Variants in DDR2 observed in about 807,000 individuals in gnomAD.
The protein encoded by DDR2 is discoidin domain receptor tyrosine kinase 2.
DDR2 carries 27 observed loss-of-function variants against 94.9 expected under a neutral mutation model. The observed-to-expected ratio is 0.28, with a 90% CI of 0.21 to 0.39. The LOEUF (loss-of-function observed/expected upper bound fraction) is 0.39, where lower values mean the gene tolerates loss of function less well. Ranked by LOEUF, DDR2 falls within the 10% of genes least tolerant of loss-of-function variation. The pLI, the probability that DDR2 is intolerant of heterozygous loss-of-function variation, is 1.00. For missense variants in DDR2, 783 were observed against 1,076.0 expected (o/e 0.73, Z 3.81); for synonymous variants, 382 against 377.2 (o/e 1.01, Z -0.15).
At chr1:162,714,774 G>T (rs1661082677) in intron 2 of DDR2, among the ~76,000 whole-genome samples, 1 of 151,964 alleles carries the variant, frequency 6.6e-6, no homozygotes, top group Admixed American at 6.6e-5. Flanking sequence ...AACCTTCTTT[G>T]CCTTTTTTAC....
chr1:162,775,509 A>C, intron 14 of DDR2, 143 bp from the exon 15 acceptor site: 1 of 801,998 alleles, frequency 1.2e-6, no homozygotes, highest in South Asian at 1.5e-5. Flanking sequence ...TCCAGGTGTC[A>C]ATTTCTCTGT....
intron 2 of DDR2, among the ~76,000 whole-genome samples, chr1:162,662,212 T>C (rs1393778920): frequency 1.3e-5 from 2 of 152,240 alleles, no homozygotes; most frequent in African/African-American, 4.8e-5. Flanking sequence ...CATTCATTCA[T>C]TCATTCACTC....
chr1:162,681,092 C>G (rs1218554569), intron 2 of DDR2, among the ~76,000 whole-genome samples: 1 of 152,162 alleles, frequency 6.6e-6, no homozygotes, highest in African/African-American at 2.4e-5. Flanking sequence ...CTCTGCTTCC[C>G]CTTTTGCTGG....
intron 2 of DDR2, among the ~76,000 whole-genome samples, chr1:162,693,452 A>G (rs1210098906): frequency 1.3e-5 from 2 of 152,206 alleles, no homozygotes; most frequent in Non-Finnish European, 2.9e-5. Flanking sequence ...TTATTCATCA[A>G]ACAAAGACAT....
chr1:162,676,912 C>G (rs1659156431), intron 2 of DDR2, among the ~76,000 whole-genome samples: 1 of 152,164 alleles, frequency 6.6e-6, no homozygotes, highest in Non-Finnish European at 1.5e-5. Context: ...CTGTGATGCC[C>G]CATGCTCAGT....
chr1:162,719,764 A>G lies in DDR2; in HGVS notation c.82+619A>G, dbSNP rs1263411540. Among the ~76,000 whole-genome samples the G allele has an allele frequency of 3.9e-5, 6 of 152,170 alleles. 1 individual carries two copies. In the East Asian group the frequency reaches 5.8e-4, roughly 15 times the overall value. The stretch of plus-strand genomic sequence containing the variant: ...TGCTTAACAACCTATCCAAAGCTCA[A>G]TGTCTTTAAACGAGCATTTATTTGG... On this transcript the variant is annotated intron_variant, in intron 3 of 17. Transcript: ENST00000367921.
At chr1:162,664,854 A>G (rs959366031) in intron 2 of DDR2, among the ~76,000 whole-genome samples, 2 of 152,172 alleles carry the variant, frequency 1.3e-5, no homozygotes, top group African/African-American at 2.4e-5. Context: ...AAACCTAGGT[A>G]ATTTCCTTAT....
chr1:162,636,781 G>A (rs960996386), intron 1 of DDR2, among the ~76,000 whole-genome samples: 4 of 151,996 alleles, frequency 2.6e-5, no homozygotes, highest in African/African-American at 9.7e-5. Context: ...TAATCCTTAG[G>A]GCCTTAATAG....
chr1:162,630,972 T>C (rs1050896573), upstream of DDR2, among the ~76,000 whole-genome samples: 1 of 152,166 alleles, frequency 6.6e-6, no homozygotes, highest in African/African-American at 2.4e-5. Context: ...TAGTTCTAGT[T>C]TTTTCTCTAA....
At chr1:162,721,113 GCT>G (rs1454647083) in intron 3 of DDR2, among the ~76,000 whole-genome samples, 1 of 152,024 alleles carries the variant, frequency 6.6e-6, no homozygotes, top group Non-Finnish European at 1.5e-5. Flanking sequence ...CATTCTTCAT[GCT>G]CTGAGTTCTA....
At chr1:162,731,093 A>C (rs1662026560) in intron 3 of DDR2, among the ~76,000 whole-genome samples, 1 of 152,228 alleles carries the variant, frequency 6.6e-6, no homozygotes. Context: ...TAGATGATTT[A>C]TGAATTTTAT....
chr1:162,758,725 G>A (rs538270955), intron 7 of DDR2, among the ~76,000 whole-genome samples: 34 of 152,226 alleles, frequency 2.2e-4, no homozygotes, highest in African/African-American at 7.9e-4. Context: ...ATCACCCTTA[G>A]TATTTTTTTA....
At chr1:162,761,528 C>T in intron 9 of DDR2, 74 bp downstream of exon 9, 2 of 1,609,764 alleles carry the variant, frequency 1.2e-6, no homozygotes, top group South Asian at 1.1e-5. Context: ...CAGAACTTCT[C>T]ATTAGCAGGT....
At chr1:162,700,791 A>G (rs1326301454) in intron 2 of DDR2, among the ~76,000 whole-genome samples, 1 of 152,230 alleles carries the variant, frequency 6.6e-6, no homozygotes, top group African/African-American at 2.4e-5. Flanking sequence ...ACTCAAAGTC[A>G]TTAATTACTT....
At chr1:162,747,661 T>C (rs1262243238) in intron 3 of DDR2, among the ~76,000 whole-genome samples, 1 of 152,114 alleles carries the variant, frequency 6.6e-6, no homozygotes, top group East Asian at 1.9e-4. Flanking sequence ...GCCACAAAGA[T>C]ACTCCTCGAG....
At chr1:162,660,410 A>G (rs376136832) in intron 2 of DDR2, among the ~76,000 whole-genome samples, 1 of 152,146 alleles carries the variant, frequency 6.6e-6, no homozygotes, top group Non-Finnish European at 1.5e-5. Flanking sequence ...ATGGTCTAAA[A>G]TAGATCTTTA....
intron 11 of DDR2, among the ~76,000 whole-genome samples, chr1:162,769,543 C>T (rs1277992580): frequency 6.6e-6 from 1 of 152,188 alleles, no homozygotes; most frequent in Non-Finnish European, 1.5e-5. Context: ...TGGAAAAGTG[C>T]ACATCTAAGT....
At chr1:162,703,938 A>T (rs915875341) in intron 2 of DDR2, among the ~76,000 whole-genome samples, 1 of 152,194 alleles carries the variant, frequency 6.6e-6, no homozygotes, top group Admixed American at 6.5e-5. Context: ...TATTGCACAC[A>T]AGAGAGGAGA....
intron 3 of DDR2, among the ~76,000 whole-genome samples, chr1:162,728,217 TATAG>T: frequency 6.8e-6 from 1 of 147,084 alleles, no homozygotes; most frequent in African/African-American, 2.5e-5. Context: ...TTTATATATA[TATAG>T]ATAGATATAT....
Sources: gnomAD v4.1 joint callset for allele counts (sites outside exome capture counted in the v4.1 genomes callset) on GRCh38, gnomAD v4.1.1 for gene constraint, MANE v1.5 for transcripts, NCBI Gene and HGNC (gene_info 2026-07-23, HGNC 2026-07-21) for gene names.